The following ZNF585A variants were observed in gnomAD, a reference collection of about 807,000 sequenced individuals.
The protein encoded by ZNF585A is zinc finger protein 585A.
In ZNF585A, 9 loss-of-function variants were observed where a neutral mutation model predicts 14.9. The ratio of observed to expected loss-of-function variants is 0.60; its 90% CI spans 0.36 to 1.05. The LOEUF is 1.05. ZNF585A is among the 50% of genes least tolerant of loss of function. ZNF585A has a pLI of 0.01. For missense variants in ZNF585A, 726 were observed against 926.4 expected (o/e 0.78, Z 2.81); for synonymous variants, 276 against 319.9 (o/e 0.86, Z 1.46).
rs772972019 is a variant in ZNF585A, at chr19:37,153,248, G to C, written c.651C>G (p.Ser217Arg). 1 of 1,614,088 alleles carries C rather than the reference G, an allele frequency of 6.2e-7. No homozygotes were observed. The highest frequency in any genetic ancestry group is 2.2e-5 in the East Asian group (1 of 44,878). Residue 217 changes from serine (S) to arginine (R), a missense_variant, in exon 5 of 5, where the codon AGC (serine) becomes AGG (arginine). This residue lies in a region of ZNF585A where 483 missense variants were observed against 542.8 expected (regional missense o/e 0.89). Transcript: ENST00000292841. ...IHTGEKLYEC[S>R]QCGKGFSYNS... ...TATAAGAGAAGCCTTTCCCACACTG[G>C]CTGCATTCATAGAGTTTCTCTCCGG... is the stretch of plus-strand genomic sequence containing the variant.
At position 37,151,751 on chromosome 19, in the gene ZNF585A, C is replaced by T. The variant is rs766919240; in HGVS notation, c.2148G>A (p.Lys716=). 5.0e-6 allele frequency: 8 copies of T among 1,613,810 alleles called. No individual in the cohort carries two copies. The African/African-American group carries it at 8.0e-5, about 16-fold the overall frequency. The change falls in exon 5 of 5, where the codon AAG becomes AAA. Residue 716 remains lysine (K), a synonymous_variant. Transcript: ENST00000292841. ...TCCCACACTCAGCACACACGTAAGG[C>T]TTCTCTCCAGTGTGAATTCGCTGAT... ...QVHQRIHTGE[K]PYVCAECGKA... is the part of the protein sequence containing the mutation.
chr19:37,152,063 C>T lies in ZNF585A; in HGVS notation c.1836G>A (p.Gly612=), dbSNP rs1390530566. The T allele has an allele frequency of 4.4e-6, 7 of 1,596,236 alleles. No homozygotes were observed. Among genetic ancestry groups the T allele is most frequent in the Non-Finnish European group, 6.0e-6 (7 of 1,169,702 alleles). ...GCTGAGACTTGGAGGTAAAGGACTT[C>T]CCACAGTCACTGCATTCATAAGGCT... The part of the protein sequence containing the change: ...GEKPYECSDC[G]KSFTSKSQLL... Residue 612 remains glycine (G), a synonymous_variant, in exon 5 of 5, where the codon GGG becomes GGA. Transcript: ENST00000292841.
chr19:37,165,550 GC>G (rs1972078103), intron 2 of ZNF585A: 1 of 739,016 alleles, frequency 1.4e-6, no homozygotes, highest in South Asian at 6.2e-5. Context: ...GGAGTGGGTT[GC>G]TGAGAACATA....
At chr19:37,168,698 C>A (rs1224929530) in intron 2 of ZNF585A, among the ~76,000 whole-genome samples, 1 of 152,122 alleles carries the variant, frequency 6.6e-6, no homozygotes, top group Non-Finnish European at 1.5e-5. Flanking sequence ...TTACCTGTGA[C>A]TAAAACCAGA....
At position 37,152,226 on chromosome 19, in the gene ZNF585A, G is replaced by T; in HGVS notation, c.1673C>A (p.Ala558Asp). 1.2e-6 allele frequency: 2 copies of T among 1,613,938 alleles called. No homozygotes were observed. Among genetic ancestry groups the T allele is most frequent in the Non-Finnish European group, 1.7e-6 (2 of 1,179,972 alleles). ...RQYECHECGK[A>D]FNQKSILIVH... ...AATGAGTATTGATTTCTGGTTGAAG[G>T]CTTTCCCACATTCGTGGCATTCATA... Residue 558 changes from alanine to aspartate, a missense_variant, in exon 5 of 5, where the codon GCC becomes GAC. This residue lies in a region of ZNF585A where 243 missense variants were observed against 383.6 expected (regional missense o/e 0.63). Coordinates refer to ENST00000292841, the MANE Select transcript of ZNF585A (RefSeq NM_001288800.2).
chr19:37,151,917 G>A lies in ZNF585A; in HGVS notation c.1982C>T (p.Pro661Leu). ...KHQKTHTGEK[P>L]YICSECGKTF... ...CTTCCCACATTCAGAACAAATGTAG[G>A]GCTTTTCTCCGGTATGAGTTTTCTG... The change falls in exon 5 of 5, where the codon CCC becomes CTC. Residue 661 changes from proline to leucine, a missense_variant. Pro to Leu is a moderately conservative substitution (Grantham distance 98). Transcript: ENST00000292841. 1 of 1,613,252 alleles carries A rather than the reference G, an allele frequency of 6.2e-7. No individual in the cohort carries two copies. Among genetic ancestry groups the A allele is most frequent in the Non-Finnish European group, 8.5e-7 (1 of 1,179,794 alleles).
intron 2 of ZNF585A, among the ~76,000 whole-genome samples, chr19:37,162,648 A>T (rs1972029811): frequency 6.6e-6 from 1 of 152,216 alleles, no homozygotes; most frequent in African/African-American, 2.4e-5. Flanking sequence ...CTATGCAGCC[A>T]TAAAAGAGAC....
intron 2 of ZNF585A, among the ~76,000 whole-genome samples, chr19:37,168,372 C>T (rs748879503): frequency 7.9e-5 from 12 of 152,142 alleles, no homozygotes; most frequent in Non-Finnish European, 1.2e-4. Flanking sequence ...TTCTCCATGG[C>T]GCTACACAAA....
rs759699868 is a variant in ZNF585A, at chr19:37,156,713, A to G, written c.73-358T>C. 4.0e-4 allele frequency among the ~76,000 whole-genome samples: 61 copies of G among 151,964 alleles called. 1 individual carries two copies. The highest frequency in any genetic ancestry group is 1.0e-4 in the Non-Finnish European group (7 of 67,984). ...TACTTCATTTTTTTTTTCTTCCGAAACAGAGTCTCGCTCTGTTGTCCAGGC... is the reference window on the plus strand; with the variant it reads ...TACTTCATTTTTTTTTTCTTCCGAAGCAGAGTCTCGCTCTGTTGTCCAGGC... On this transcript the variant is annotated intron_variant, in intron 2 of 4. Coordinates refer to ENST00000292841, the MANE Select transcript of ZNF585A (RefSeq NM_001288800.2).
At chr19:37,171,533 G>A (rs922034444) in intron 1 of ZNF585A, among the ~76,000 whole-genome samples, 5 of 152,180 alleles carry the variant, frequency 3.3e-5, no homozygotes, top group African/African-American at 9.7e-5. Flanking sequence ...GGGAAAATGA[G>A]TTATTTTATA....
intron 2 of ZNF585A, among the ~76,000 whole-genome samples, chr19:37,160,958 C>T (rs1250594631): frequency 6.6e-6 from 1 of 152,056 alleles, no homozygotes; most frequent in Non-Finnish European, 1.5e-5. Context: ...GCCTCGAACT[C>T]CTGGGCTCAA....
chr19:37,152,669 A>G lies in ZNF585A; in HGVS notation c.1230T>C (p.Tyr410=). ...AGGCCAGTCCACATTTCATGCATAT[A>G]TACGATTTTTCTCCTGTATGAATTC... ...HQRIHTGEKS[Y]ICMKCGLAFI... is the part of the protein sequence containing the mutation. Residue 410 remains tyrosine (Y), a synonymous_variant, in exon 5 of 5, where the codon TAT becomes TAC. Coordinates refer to ENST00000292841, the MANE Select transcript of ZNF585A (RefSeq NM_001288800.2). 6.2e-7 allele frequency: 1 copy of G among 1,613,958 alleles called. No individual in the cohort carries two copies. Among genetic ancestry groups the G allele is most frequent in the Non-Finnish European group, 8.5e-7 (1 of 1,179,938 alleles).
chr19:37,169,732 G>GCTT, intron 2 of ZNF585A, 107 bp downstream of exon 2: 1 of 1,349,542 alleles, frequency 7.4e-7, no homozygotes, highest in Admixed American at 1.9e-5. Context: ...GAGTCCAGCT[G>GCTT]CTTCCTGTGG....
At chr19:37,163,918 A>C (rs922160240) in intron 2 of ZNF585A, among the ~76,000 whole-genome samples, 3 of 152,086 alleles carry the variant, frequency 2.0e-5, no homozygotes, top group Non-Finnish European at 4.4e-5. Flanking sequence ...AAGCACAAGA[A>C]CTCCAAAGGA....
intron 2 of ZNF585A, among the ~76,000 whole-genome samples, chr19:37,157,119 C>T (rs1440071848): frequency 3.3e-5 from 5 of 152,196 alleles, no homozygotes; most frequent in Non-Finnish European, 7.3e-5. Flanking sequence ...CAACTGTGTA[C>T]ACCTGTATAA....
intron 2 of ZNF585A, among the ~76,000 whole-genome samples, chr19:37,168,221 C>A (rs1021372105): frequency 6.6e-6 from 1 of 152,054 alleles, no homozygotes; most frequent in Non-Finnish European, 1.5e-5. Context: ...AAATTGCATC[C>A]CTAGCTTTCT....
Position 37,151,211 on chromosome 19 carries a change from T to G in ZNF585A, c.*378A>C. 1 of 413,116 alleles carries G rather than the reference T, an allele frequency of 2.4e-6. No individual in the cohort carries two copies. The highest frequency in any genetic ancestry group is 4.3e-6 in the Non-Finnish European group (1 of 233,496). 25.6% of individuals were successfully genotyped at this position (413,116 alleles called of 1,614,324 possible). A position where few individuals can be genotyped will look rare whatever the true frequency, so the allele number is the denominator to read the frequency against. ...CAAAATAACTACGTATTATGTTGTT[T>G]TATCATTCAATTTGTTGGCACTATA... On this transcript the variant is annotated 3_prime_UTR_variant, in exon 5 of 5. Transcript: ENST00000292841.
At chr19:37,159,201 G>T (rs902148111) in intron 2 of ZNF585A, among the ~76,000 whole-genome samples, 7 of 144,806 alleles carry the variant, frequency 4.8e-5, no homozygotes, top group Non-Finnish European at 1.0e-4. Flanking sequence ...GTGAGCTGAG[G>T]TCGTGCCACT....
In ZNF585A at chr19:37,151,037, T is replaced by C. The variant is rs1037866074; in HGVS notation, c.*552A>G. On this transcript the variant is annotated 3_prime_UTR_variant, in exon 5 of 5. Transcript: ENST00000292841. Reference sequence around the variant, plus strand: ...CATAAAGGTTTTTTCTTTTTTTTTTTGTAGCATCTCTTTCTTGATAGAAAT... The same window carrying C: ...CATAAAGGTTTTTTCTTTTTTTTTTCGTAGCATCTCTTTCTTGATAGAAAT... The C allele has an allele frequency of 6.3e-5, 15 of 239,556 alleles. No individual in the cohort carries two copies. The highest frequency in any genetic ancestry group is 2.9e-4 in the African/African-American group (13 of 44,786). 14.8% of individuals were successfully genotyped at this position (239,556 alleles called of 1,614,324 possible). A position where few individuals can be genotyped will look rare whatever the true frequency, so the allele number is the denominator to read the frequency against.
Sources: allele counts gnomAD v4.1 joint callset (sites outside exome capture counted in the v4.1 genomes callset), GRCh38; gene constraint gnomAD v4.1.1; regional missense constraint gnomAD v4.1.1; transcripts MANE v1.5; gene names NCBI Gene and HGNC (gene_info 2026-07-23, HGNC 2026-07-21).